C8orf76: variants seen among roughly 807,000 people sequenced by gnomAD.
C8orf76 encodes chromosome 8 open reading frame 76.
C8orf76 carries 46 observed loss-of-function variants against 38.1 expected under a neutral mutation model. That is an observed-to-expected ratio of 1.21 (90% confidence interval 0.95 to 1.54). The LOEUF is 1.54. Ranked by LOEUF, C8orf76 falls within the 40% of genes most tolerant of loss-of-function variation. The probability of loss-of-function intolerance (pLI) is 0.00; values close to 1 mark genes in which losing one functional copy is unlikely to be tolerated. For missense variants in C8orf76, 461 were observed against 441.6 expected (o/e 1.04, Z -0.39); for synonymous variants, 166 against 167.5 (o/e 0.99, Z 0.07).
At chr8:123,233,398 G>T (rs1323415269) in intron 3 of C8orf76, among the ~76,000 whole-genome samples, 3 of 151,286 alleles carry the variant, frequency 2.0e-5, no homozygotes, top group Non-Finnish European at 4.4e-5. Flanking sequence ...CCTGATGACA[G>T]GGTTTTGTTT....
intron 4 of C8orf76, among the ~76,000 whole-genome samples, chr8:123,228,457 T>C (rs1217770770): frequency 6.6e-6 from 1 of 152,166 alleles, no homozygotes; most frequent in Non-Finnish European, 1.5e-5. Flanking sequence ...CCATCTCTAC[T>C]AAAAACACAA....
At chr8:123,230,687 T>C (rs954352720) in intron 4 of C8orf76, among the ~76,000 whole-genome samples, 5 of 150,486 alleles carry the variant, frequency 3.3e-5, no homozygotes, top group African/African-American at 1.2e-4. Flanking sequence ...AGTCTTGCCC[T>C]GTCGCCAGGC....
At chr8:123,235,940 T>A (rs1464476238) in intron 3 of C8orf76, among the ~76,000 whole-genome samples, 1 of 152,210 alleles carries the variant, frequency 6.6e-6, no homozygotes, top group Non-Finnish European at 1.5e-5. Context: ...ATTTGCGGAC[T>A]GGGGAAGACT....
At chr8:123,233,434 G>C (rs1192699364) in intron 3 of C8orf76, among the ~76,000 whole-genome samples, 1 of 151,936 alleles carries the variant, frequency 6.6e-6, no homozygotes, top group African/African-American at 2.4e-5. Context: ...TCATTCTTTT[G>C]CCCAGGCTGG....
chr8:123,240,834 G>C (rs1337423181), intron 1 of C8orf76, among the ~76,000 whole-genome samples: 2 of 152,242 alleles, frequency 1.3e-5, no homozygotes, highest in Non-Finnish European at 2.9e-5. Flanking sequence ...GGTACGGGCA[G>C]GGGGAGCTCG....
chr8:123,231,481 A>C lies in C8orf76; in HGVS notation c.634T>G (p.Cys212Gly). ...KSFFPHSGKD[C>G]LLCFPETLPE... ...AAGGTTTCAGGAAAACACAAAAGAC[A>C]GTCTTTTCCTGAGTGTGGAAAGAAG... The change falls in exon 4 of 6, where the codon TGT (cysteine) becomes GGT (glycine). Residue 212 changes from cysteine (C) to glycine (G), a missense_variant. Transcript: ENST00000276704. The C allele has an allele frequency of 6.2e-7, 1 of 1,614,262 alleles. No individual in the cohort carries two copies.
At chr8:123,230,877 T>C (rs547549234) in intron 4 of C8orf76, among the ~76,000 whole-genome samples, 2 of 152,324 alleles carry the variant, frequency 1.3e-5, no homozygotes, top group Admixed American at 1.3e-4. Flanking sequence ...CTCGATCTTC[T>C]GACCTTGTGA....
intron 3 of C8orf76, chr8:123,236,879 G>A: frequency 1.1e-6 from 1 of 903,356 alleles, no homozygotes; most frequent in South Asian, 1.3e-5. Flanking sequence ...GACCCTCACA[G>A]GCAAGACCAT....
intron 5 of C8orf76, among the ~76,000 whole-genome samples, chr8:123,220,982 G>A (rs1422148971): frequency 6.6e-6 from 1 of 152,172 alleles, no homozygotes; most frequent in Non-Finnish European, 1.5e-5. Flanking sequence ...CATCTGTCAC[G>A]AAAGCTTATG....
chr8:123,237,810 A>C lies in C8orf76; in HGVS notation c.345T>G (p.Ile115Met). 6.2e-7 allele frequency: 1 copy of C among 1,612,660 alleles called. No homozygotes were observed. The highest frequency in any genetic ancestry group is 1.7e-5 in the Admixed American group (1 of 59,586). The change falls in exon 3 of 6, where the codon ATT (isoleucine) becomes ATG (methionine). Residue 115 changes from isoleucine to methionine, a missense_variant. Coordinates refer to ENST00000276704, the MANE Select transcript of C8orf76 (RefSeq NM_032847.3). ...HLGRHMEALEIAANLENKATN... is the reference protein window; with the variant it reads ...HLGRHMEALEMAANLENKATN... ...TAAAATCACTCACCAAGTTTGCAGCAATCTCCAGCGCCTCCATATGCCTAC... is the reference window on the plus strand; with the variant it reads ...TAAAATCACTCACCAAGTTTGCAGCCATCTCCAGCGCCTCCATATGCCTAC...
intron 1 of C8orf76, 94 bp downstream of exon 1, chr8:123,241,136 T>C: frequency 1.5e-6 from 2 of 1,305,072 alleles, no homozygotes; most frequent in Non-Finnish European, 2.0e-6. Flanking sequence ...AGGGTTTGCG[T>C]TCGCGCGGAC....
chr8:123,235,999 C>T (rs1005905850), intron 3 of C8orf76, among the ~76,000 whole-genome samples: 5 of 152,210 alleles, frequency 3.3e-5, no homozygotes, highest in African/African-American at 9.6e-5. Flanking sequence ...CATGCAAACG[C>T]TTAGGAAGTC....
intron 3 of C8orf76, among the ~76,000 whole-genome samples, chr8:123,237,448 T>C: frequency 6.6e-6 from 1 of 152,166 alleles, no homozygotes; most frequent in Non-Finnish European, 1.5e-5. Context: ...CTGTTCATTG[T>C]AGAAATTTTG....
intron 5 of C8orf76, 69 bp from the exon 6 acceptor site, chr8:123,220,366 C>T: frequency 8.4e-7 from 1 of 1,183,912 alleles, no homozygotes; most frequent in Non-Finnish European, 1.2e-6. Context: ...TAGTTATCAA[C>T]TGCGAAGGCT....
chr8:123,224,574 G>A (rs1204410029), intron 5 of C8orf76, among the ~76,000 whole-genome samples: 2 of 152,134 alleles, frequency 1.3e-5, no homozygotes, highest in African/African-American at 2.4e-5. Context: ...ATTATGCACT[G>A]CAGCCTAGCC....
At chr8:123,239,654 T>C (rs1563803014) in intron 1 of C8orf76, 3 of 152,892 alleles carry the variant, frequency 2.0e-5, no homozygotes, top group Non-Finnish European at 4.4e-5. Flanking sequence ...TTAAATCCTA[T>C]GGATAAAAAG....
chr8:123,237,406 G>T (rs982642171), intron 3 of C8orf76, among the ~76,000 whole-genome samples: 2 of 150,926 alleles, frequency 1.3e-5, no homozygotes, highest in South Asian at 2.1e-4. Flanking sequence ...TAGTCATTTT[G>T]GGGGGGGGAC....
At chr8:123,235,265 A>C (rs1438764994) in intron 3 of C8orf76, among the ~76,000 whole-genome samples, 1 of 152,210 alleles carries the variant, frequency 6.6e-6, no homozygotes, top group Non-Finnish European at 1.5e-5. Flanking sequence ...AAAAGAGGTG[A>C]ATGAATTTCA....
At chr8:123,230,166 T>C (rs1825198857) in intron 4 of C8orf76, among the ~76,000 whole-genome samples, 1 of 152,194 alleles carries the variant, frequency 6.6e-6, no homozygotes, top group South Asian at 2.1e-4. Context: ...GCTTCTTCTC[T>C]CATCATTTAT....
Sources: allele counts gnomAD v4.1 joint callset (sites outside exome capture counted in the v4.1 genomes callset), GRCh38; gene constraint gnomAD v4.1.1; transcripts MANE v1.5; gene names NCBI Gene and HGNC (gene_info 2026-07-23, HGNC 2026-07-21).